Variants in GABRB2 observed in about 807,000 individuals in gnomAD.
The protein encoded by GABRB2 is gamma-aminobutyric acid type A receptor subunit beta2.
Under a neutral mutation model 54.7 loss-of-function variants are expected in GABRB2, and 16 were observed. That is an observed-to-expected ratio of 0.29 (90% CI 0.20 to 0.44). The LOEUF is 0.44. Ranked by LOEUF, GABRB2 falls within the 20% of genes least tolerant of loss-of-function variation. The pLI is 1.00. For synonymous variants in GABRB2, 244 were observed against 233.8 expected (o/e 1.04, Z -0.40); for missense variants, 355 against 644.0 (o/e 0.55, Z 4.86).
At chr5:161,441,880 T>C (rs1238791343) in intron 4 of GABRB2, among the ~76,000 whole-genome samples, 3 of 152,176 alleles carry the variant, frequency 2.0e-5, no homozygotes, top group Non-Finnish European at 2.9e-5. Flanking sequence ...TTCTCACTTA[T>C]TTGGGGAATC....
intron 9 of GABRB2, among the ~76,000 whole-genome samples, chr5:161,325,821 C>T (rs1285435124): frequency 2.0e-5 from 3 of 151,984 alleles, no homozygotes; most frequent in Admixed American, 6.6e-5. Flanking sequence ...ACAACAATGT[C>T]AATTATTGGC....
chr5:161,493,548 TA>T (rs937130859), intron 3 of GABRB2, among the ~76,000 whole-genome samples: 15 of 151,592 alleles, frequency 9.9e-5, no homozygotes, highest in African/African-American at 3.4e-4. Flanking sequence ...AGATTCTGTT[TA>T]AAAAAAATTC....
chr5:161,452,828 T>C (rs1226151758), intron 4 of GABRB2, among the ~76,000 whole-genome samples: 17 of 152,106 alleles, frequency 1.1e-4, no homozygotes, highest in Admixed American at 3.3e-4. Context: ...ACCTCACCTC[T>C]ACAAAAATGA....
At chr5:161,472,484 G>C (rs572031837) in intron 3 of GABRB2, among the ~76,000 whole-genome samples, 2 of 148,616 alleles carry the variant, frequency 1.3e-5, no homozygotes, top group African/African-American at 4.9e-5. Context: ...TCATATACTA[G>C]AACTATTTGG....
intron 5 of GABRB2, among the ~76,000 whole-genome samples, chr5:161,361,772 T>C (rs1754816175): frequency 6.6e-6 from 1 of 152,160 alleles, no homozygotes; most frequent in Non-Finnish European, 1.5e-5. Flanking sequence ...GAAGGAACCC[T>C]TGAAGCCAGG....
chr5:161,394,006 G>A (rs1333649325), intron 5 of GABRB2, among the ~76,000 whole-genome samples: 1 of 151,606 alleles, frequency 6.6e-6, no homozygotes, highest in Non-Finnish European at 1.5e-5. Flanking sequence ...AATTTTAAAA[G>A]GATAAAAACT....
intron 3 of GABRB2, among the ~76,000 whole-genome samples, chr5:161,491,289 A>G (rs1163392492): frequency 6.6e-6 from 1 of 151,728 alleles, no homozygotes; most frequent in Non-Finnish European, 1.5e-5. Flanking sequence ...TTGGAATACC[A>G]AAGTTTGATC....
At chr5:161,511,169 G>C (rs867329895) in intron 3 of GABRB2, among the ~76,000 whole-genome samples, 1 of 151,950 alleles carries the variant, frequency 6.6e-6, no homozygotes, top group African/African-American at 2.4e-5. Context: ...CATAGCAAAA[G>C]TGATGGTTCT....
In GABRB2 at chr5:161,459,853, G is replaced by A. The variant is rs76657179; in HGVS notation, c.238-9C>T. 1 of 1,563,802 alleles carries A rather than the reference G, an allele frequency of 6.4e-7. No homozygotes were observed. Among genetic ancestry groups the A allele is most frequent in the Non-Finnish European group, 8.8e-7 (1 of 1,138,362 alleles). ...ATTGTCAAGGTATAATCCTGTAAAT[G>A]TGAGAAAAAAAAACATGGTTAGTTT... On this transcript the variant is annotated splice_polypyrimidine_tract_variant and intron_variant, in intron 3 of 9. Coordinates refer to ENST00000393959, the MANE Select transcript of GABRB2 (RefSeq NM_001371727.1).
intron 3 of GABRB2, among the ~76,000 whole-genome samples, chr5:161,466,013 T>G (rs989930146): frequency 6.6e-6 from 1 of 152,110 alleles, no homozygotes; most frequent in African/African-American, 2.4e-5. Context: ...CACTTAATAC[T>G]TATGCTTCTT....
At chr5:161,391,589 C>G (rs1325956404) in intron 5 of GABRB2, among the ~76,000 whole-genome samples, 1 of 151,726 alleles carries the variant, frequency 6.6e-6, no homozygotes, top group African/African-American at 2.4e-5. Context: ...AACATCATCG[C>G]CAAAAAAAGA....
chr5:161,404,959 T>G (rs1756304060), intron 5 of GABRB2, among the ~76,000 whole-genome samples: 2 of 152,120 alleles, frequency 1.3e-5, no homozygotes, highest in South Asian at 4.1e-4. Flanking sequence ...GCAAATGGTT[T>G]TACAGAATAC....
intron 3 of GABRB2, among the ~76,000 whole-genome samples, chr5:161,476,335 T>G (rs1758590169): frequency 1.3e-5 from 2 of 151,908 alleles, no homozygotes. Context: ...TTGGAAGGCT[T>G]AGTATTGTTA....
At chr5:161,300,791 G>A (rs1288694190) in intron 9 of GABRB2, among the ~76,000 whole-genome samples, 1 of 152,136 alleles carries the variant, frequency 6.6e-6, no homozygotes, top group Non-Finnish European at 1.5e-5. Flanking sequence ...TCCACACTTG[G>A]AAAACTGCTA....
chr5:161,395,627 G>C (rs954116202), intron 5 of GABRB2, among the ~76,000 whole-genome samples: 2 of 152,110 alleles, frequency 1.3e-5, no homozygotes, highest in African/African-American at 4.8e-5. Flanking sequence ...ATTAAGAAAG[G>C]CTTTGCTAAG....
At chr5:161,349,602 G>A (rs980562872) in intron 5 of GABRB2, among the ~76,000 whole-genome samples, 8 of 152,098 alleles carry the variant, frequency 5.3e-5, no homozygotes, top group African/African-American at 1.9e-4. Flanking sequence ...TAAAAAGACT[G>A]AAGGTTCTGT....
In GABRB2 at chr5:161,489,846, G is replaced by C. The variant is rs112657267; in HGVS notation, c.238-30002C>G. ...TATTTTAGTCACCACTTGAATATAA[G>C]AATACAAGCTCCTTCTCTTTATGAG... On this transcript the variant is annotated intron_variant, in intron 3 of 9. Transcript: ENST00000393959. 7.5e-3 allele frequency among the ~76,000 whole-genome samples: 1,134 copies of C among 151,838 alleles called. 14 individuals carry two copies. The highest frequency in any genetic ancestry group is 0.026 in the African/African-American group (1,065 of 41,484).
intron 5 of GABRB2, among the ~76,000 whole-genome samples, chr5:161,353,956 T>A (rs978645596): frequency 6.6e-6 from 1 of 152,054 alleles, no homozygotes; most frequent in Admixed American, 6.6e-5. Flanking sequence ...GGGGCAGTTT[T>A]CCCCAAACTA....
intron 9 of GABRB2, among the ~76,000 whole-genome samples, chr5:161,321,851 C>T (rs1250621647): frequency 6.6e-6 from 1 of 151,954 alleles, no homozygotes; most frequent in Non-Finnish European, 1.5e-5. Flanking sequence ...TCTTGGAACC[C>T]ATTACATCCT....
Sources: gnomAD v4.1 joint callset for allele counts (sites outside exome capture counted in the v4.1 genomes callset) on GRCh38, gnomAD v4.1.1 for gene constraint, MANE v1.5 for transcripts, NCBI Gene and HGNC (gene_info 2026-07-23, HGNC 2026-07-21) for gene names.